Variants in ADARB2 observed in about 807,000 individuals in gnomAD.
The protein encoded by ADARB2 is inactive double-stranded RNA-specific editase B2.
Under a neutral mutation model 62.2 loss-of-function variants are expected in ADARB2, and 25 were observed. The ratio of observed to expected loss-of-function variants is 0.40; its 90% CI spans 0.29 to 0.56. The LOEUF is 0.56. Ranked by LOEUF, ADARB2 falls within the 20% of genes least tolerant of loss-of-function variation. The probability of loss-of-function intolerance (pLI) is 0.43; values close to 1 mark genes in which losing one functional copy is unlikely to be tolerated. For missense variants in ADARB2, 1,071 were observed against 1,077.4 expected (o/e 0.99, Z 0.08); for synonymous variants, 572 against 500.8 (o/e 1.14, Z -1.90).
At chr10:1,439,332 G>C (rs1830873148) in intron 1 of ADARB2, among the ~76,000 whole-genome samples, 1 of 139,932 alleles carries the variant, frequency 7.1e-6, no homozygotes. Context: ...GATGGAGGCA[G>C]GCCCTTCATG....
intron 1 of ADARB2, among the ~76,000 whole-genome samples, chr10:1,606,567 G>T (rs113397270): frequency 3.3e-5 from 5 of 152,286 alleles, no homozygotes; most frequent in Admixed American, 3.3e-4. Context: ...AGGAGACCAC[G>T]AGAGAGCCAG....
At chr10:1,570,374 T>C (rs1470033777) in intron 1 of ADARB2, among the ~76,000 whole-genome samples, 1 of 152,174 alleles carries the variant, frequency 6.6e-6, no homozygotes, top group African/African-American at 2.4e-5. Flanking sequence ...TTTCTCCCTT[T>C]TGGGTCCCCC....
In ADARB2 at chr10:1,649,995, G is replaced by A. The variant is rs559063743; in HGVS notation, c.100+87056C>T. Among the ~76,000 whole-genome samples the A allele has an allele frequency of 1.2e-4, 19 of 152,292 alleles. No individual in the cohort carries two copies. The East Asian group carries it at 2.3e-3, about 19-fold the overall frequency. On this transcript the variant is annotated intron_variant, in intron 1 of 9. Transcript: ENST00000381312. ...CTGCTTCTGTCACTGGCTGGGCTGC[G>A]TATCATACCTTTTCATAACTACAAA... is the stretch of plus-strand genomic sequence containing the variant.
At chr10:1,432,568 T>G (rs1252678900) in intron 1 of ADARB2, among the ~76,000 whole-genome samples, 1 of 150,190 alleles carries the variant, frequency 6.7e-6, no homozygotes, top group Non-Finnish European at 1.5e-5. Flanking sequence ...CTTATCTAAG[T>G]GAAAAGTCCC....
At chr10:1,327,582 C>A (rs866540549) in intron 3 of ADARB2, among the ~76,000 whole-genome samples, 1 of 107,192 alleles carries the variant, frequency 9.3e-6, no homozygotes, top group Non-Finnish European at 2.0e-5. Flanking sequence ...CACTGCACAG[C>A]GCCTCCTCAC....
At chr10:1,184,516 A>T (rs1428719682) in intron 9 of ADARB2, among the ~76,000 whole-genome samples, 1 of 152,190 alleles carries the variant, frequency 6.6e-6, no homozygotes, top group Non-Finnish European at 1.5e-5. Flanking sequence ...CTGATATCTA[A>T]ACCGGGAATA....
intron 1 of ADARB2, among the ~76,000 whole-genome samples, chr10:1,711,378 G>A (rs1009521948): frequency 5.9e-5 from 9 of 152,198 alleles, no homozygotes; most frequent in Non-Finnish European, 8.8e-5. Context: ...TCTGAAGGAC[G>A]CACCTGGGAA....
At chr10:1,326,164 G>A (rs1831842858) in intron 3 of ADARB2, among the ~76,000 whole-genome samples, 1 of 152,234 alleles carries the variant, frequency 6.6e-6, no homozygotes, top group Non-Finnish European at 1.5e-5. Context: ...TGTCCACAGA[G>A]TGAAACACAC....
chr10:1,195,700 G>A (rs1442344218), intron 8 of ADARB2, among the ~76,000 whole-genome samples: 3 of 152,096 alleles, frequency 2.0e-5, no homozygotes, highest in Non-Finnish European at 2.9e-5. Flanking sequence ...AGAAGAAGAG[G>A]GATGGTGCTC....
chr10:1,198,722 T>C (rs757639849), intron 8 of ADARB2, among the ~76,000 whole-genome samples: 5 of 152,362 alleles, frequency 3.3e-5, no homozygotes, highest in African/African-American at 4.8e-5. Context: ...ATTTCTCTAA[T>C]TGCGTTTTCT....
chr10:1,390,653 T>C (rs1270854811), intron 1 of ADARB2, among the ~76,000 whole-genome samples: 2 of 152,264 alleles, frequency 1.3e-5, no homozygotes, highest in East Asian at 3.8e-4. Context: ...TTTTCTTTTT[T>C]ATTCCCCCTA....
At chr10:1,487,218 G>A (rs1205502315) in intron 1 of ADARB2, among the ~76,000 whole-genome samples, 3 of 152,236 alleles carry the variant, frequency 2.0e-5, no homozygotes, top group African/African-American at 7.2e-5. Flanking sequence ...TCAGGTGAAG[G>A]GTTGTCAAGT....
chr10:1,654,593 T>C (rs979344640), intron 1 of ADARB2, among the ~76,000 whole-genome samples: 8 of 152,238 alleles, frequency 5.3e-5, no homozygotes, highest in African/African-American at 1.9e-4. Context: ...GCTTCCCACT[T>C]ACTGCCCACC....
chr10:1,451,330 A>T (rs952330811), intron 1 of ADARB2, among the ~76,000 whole-genome samples: 3 of 152,216 alleles, frequency 2.0e-5, no homozygotes, highest in African/African-American at 7.2e-5. Flanking sequence ...GAGGGAGCAA[A>T]CAGTGGAGTG....
intron 1 of ADARB2, among the ~76,000 whole-genome samples, chr10:1,402,759 G>A (rs984871385): frequency 2.6e-5 from 4 of 152,152 alleles, no homozygotes; most frequent in Non-Finnish European, 5.9e-5. Flanking sequence ...CTCCAACGGG[G>A]GCTCTGATTA....
At chr10:1,473,081 G>T (rs1211928292) in intron 1 of ADARB2, among the ~76,000 whole-genome samples, 2 of 152,140 alleles carry the variant, frequency 1.3e-5, no homozygotes, top group Non-Finnish European at 2.9e-5. Flanking sequence ...GGAACGTGGG[G>T]CCCTGGAAGC....
At chr10:1,493,458 T>C (rs1046901339) in intron 1 of ADARB2, among the ~76,000 whole-genome samples, 3 of 152,166 alleles carry the variant, frequency 2.0e-5, no homozygotes, top group African/African-American at 2.4e-5. Context: ...GAGGATAAAA[T>C]AGTGGCAAAT....
intron 1 of ADARB2, among the ~76,000 whole-genome samples, chr10:1,711,669 C>T (rs1834950161): frequency 6.6e-6 from 1 of 152,220 alleles, no homozygotes; most frequent in African/African-American, 2.4e-5. Flanking sequence ...TGTATGATAG[C>T]TTCCAACAAA....
intron 4 of ADARB2, among the ~76,000 whole-genome samples, chr10:1,256,896 CG>C (rs1831084567): frequency 6.6e-6 from 1 of 152,178 alleles, no homozygotes; most frequent in Admixed American, 6.5e-5. Context: ...GATCGATGAA[CG>C]GTCTCTTCTC....
Sources: gnomAD v4.1 joint callset for allele counts (sites outside exome capture counted in the v4.1 genomes callset) on GRCh38, gnomAD v4.1.1 for gene constraint, MANE v1.5 for transcripts, NCBI Gene and HGNC (gene_info 2026-07-23, HGNC 2026-07-21) for gene names.